Variants in NUP153 observed in about 807,000 individuals in gnomAD.
NUP153 encodes the protein nuclear pore complex protein Nup153.
Under a neutral mutation model 134.6 loss-of-function variants are expected in NUP153, and 27 were observed. The observed-to-expected ratio is 0.20, with a 90% confidence interval of 0.15 to 0.28. The LOEUF is 0.28. Among genes scored for constraint, NUP153 ranks in the 10% least tolerant of loss-of-function variants. The pLI, the probability that NUP153 is intolerant of heterozygous loss-of-function variation, is 1.00. For synonymous variants in NUP153, 640 were observed against 623.5 expected, an observed-to-expected ratio of 1.03 and a Z score of -0.40; for missense variants, 1,821 against 1,731.3, an observed-to-expected ratio of 1.05 and a Z score of -0.92.
In NUP153 at chr6:17,706,259, G is replaced by C; in HGVS notation, c.111+18C>G. 6.3e-7 allele frequency: 1 copy of C among 1,591,206 alleles called. No homozygotes were observed. The highest frequency in any genetic ancestry group is 1.1e-5 in the South Asian group (1 of 90,644). ...GTTTCCCCACCCGCCAGGCCACCGC[G>C]GCGTCGGGGTCCCATACCTGATGCT... On this transcript the variant is annotated intron_variant, in intron 1 of 21. Transcript: ENST00000262077. This position sits in a 1 kb window ranked among gnomAD's most constrained non-coding sequence, Gnocchi z 5.9.
intron 1 of NUP153, among the ~76,000 whole-genome samples, chr6:17,704,326 A>G (rs1010090594): frequency 6.6e-6 from 1 of 151,738 alleles, no homozygotes; most frequent in African/African-American, 2.4e-5. Context: ...AACTTCAGAC[A>G]TCTGGAAAAT....
chr6:17,629,400 T>C lies in NUP153; in HGVS notation c.2799A>G (p.Lys933=), dbSNP rs199900008. 192 of 1,614,116 alleles carry C rather than the reference T, an allele frequency of 1.2e-4. 2 individuals carry two copies. The East Asian group carries it at 4.2e-3, about 35-fold the overall frequency. Residue 933 remains lysine (K), a synonymous_variant, in exon 18 of 22, where the codon AAA becomes AAG. Coordinates refer to ENST00000262077, the MANE Select transcript of NUP153 (RefSeq NM_005124.4). ...ACCCAGAATCGGATGACACACCTAT[T>C]TTGAATCCTCCCTGATCTCCAAATT... ...NFKFGDQGGF[K]IGVSSDSGSI... is the part of the protein sequence containing the mutation.
intron 11 of NUP153, among the ~76,000 whole-genome samples, chr6:17,658,215 G>A (rs1253361848): frequency 6.6e-6 from 1 of 152,188 alleles, no homozygotes; most frequent in Non-Finnish European, 1.5e-5. Flanking sequence ...TGGTCAAGAT[G>A]GTGAAACCCT....
chr6:17,646,293 C>T (rs4370366), intron 13 of NUP153, 139 bp from the exon 14 acceptor site: 4 of 447,768 alleles, frequency 8.9e-6, no homozygotes, highest in Middle Eastern at 6.3e-4. Flanking sequence ...CTGCAACCTC[C>T]GCCTCCCGGG....
At position 17,706,222 on chromosome 6, in the gene NUP153, C is replaced by T; in HGVS notation, c.111+55G>A. 1 of 1,427,684 alleles carries T rather than the reference C, an allele frequency of 7.0e-7. No homozygotes were observed. The highest frequency in any genetic ancestry group is 1.1e-5 in the South Asian group (1 of 87,136). 88.4% of individuals were successfully genotyped at this position (1,427,684 alleles called of 1,614,324 possible). A position where few individuals can be genotyped will look rare whatever the true frequency, so the allele number is the denominator to read the frequency against. ...GCGCCGGGGCCTCGAACCGCCCGTC[C>T]CCTCCAGCCGAGTTTCCCCACCCGC... is the stretch of plus-strand genomic sequence containing the variant. On this transcript the variant is annotated intron_variant, in intron 1 of 21. Coordinates refer to ENST00000262077, the MANE Select transcript of NUP153 (RefSeq NM_005124.4). The surrounding 1 kb of genome is among the most constrained non-coding windows in gnomAD (Gnocchi z 5.9).
intron 1 of NUP153, among the ~76,000 whole-genome samples, chr6:17,703,157 C>G (rs1468775490): frequency 6.9e-6 from 1 of 144,286 alleles, no homozygotes; most frequent in African/African-American, 2.6e-5. Flanking sequence ...AAGATCGAGC[C>G]ACTGCACTCC....
chr6:17,648,756 T>C (rs1029204497), intron 12 of NUP153, among the ~76,000 whole-genome samples: 3 of 152,138 alleles, frequency 2.0e-5, no homozygotes, highest in Admixed American at 6.5e-5. Context: ...TGAGCTGTGA[T>C]TGCACCACTG....
chr6:17,626,227 T>A, intron 18 of NUP153, 63 bp from the exon 19 acceptor site: 1 of 1,279,450 alleles, frequency 7.8e-7, no homozygotes, highest in East Asian at 2.3e-5. Flanking sequence ...AAGTACTTTT[T>A]CCTACCCTAC....
chr6:17,632,931 AAGTTTAAGTGTTC>A, intron 16 of NUP153, 87 bp from the exon 17 acceptor site: 2 of 929,030 alleles, frequency 2.2e-6, no homozygotes, highest in East Asian at 5.3e-5. Context: ...TGGCACTGCT[AAGTTTAAGTGTTC>A]AGTTTCTAAT....
intron 1 of NUP153, among the ~76,000 whole-genome samples, chr6:17,699,203 T>A (rs76430044): frequency 7.8e-5 from 10 of 127,460 alleles, no homozygotes; most frequent in South Asian, 2.6e-4. Flanking sequence ...TTTTTTTTTT[T>A]AAATACAAGC....
At chr6:17,702,637 T>A (rs146889301) in intron 1 of NUP153, among the ~76,000 whole-genome samples, 15 of 150,206 alleles carry the variant, frequency 1.0e-4, no homozygotes. Flanking sequence ...GATTGCACCA[T>A]TGCACTCCAG....
chr6:17,629,365 G>C lies in NUP153; in HGVS notation c.2834C>G (p.Pro945Arg), dbSNP rs1217414120. The C allele has an allele frequency of 1.2e-6, 2 of 1,612,962 alleles. No individual in the cohort carries two copies. Among genetic ancestry groups the C allele is most frequent in the Non-Finnish European group, 1.7e-6 (2 of 1,179,652 alleles). The change falls in exon 18 of 22, where the codon CCC becomes CGC. Residue 945 changes from proline (P) to arginine (R), a missense_variant. Physicochemically the swap from Pro to Arg is moderately radical, Grantham distance 103. Transcript: ENST00000262077. ...GVSSDSGSIN[P>R]MSEGFKFSKP... ...AGAAAATTTAAAGCCTTCACTCATG[G>C]GGTTTATAGACCCAGAATCGGATGA...
rs112031543 is a variant in NUP153, at chr6:17,637,664, C to T, written c.1953G>A (p.Gly651=). 17 of 1,613,574 alleles carry T rather than the reference C, an allele frequency of 1.1e-5. No homozygotes were observed. The highest frequency in any genetic ancestry group is 8.0e-5 in the African/African-American group (6 of 75,030). Residue 651 remains glycine (G), a synonymous_variant, in exon 16 of 22, where the codon GGG becomes GGA. Transcript: ENST00000262077. ...AISSFSSSGI[G]FGESLKAGSS... ...ACCCAGCTTTTAAACTCTCCCCAAACCCAATTCCACTAGAAGAAAAGCTAC... is the reference window on the plus strand; with the variant it reads ...ACCCAGCTTTTAAACTCTCCCCAAATCCAATTCCACTAGAAGAAAAGCTAC...
At position 17,706,231 on chromosome 6, in the gene NUP153, CGA is replaced by C. The variant is rs759793446; in HGVS notation, c.111+44_111+45del. 13 of 1,501,114 alleles carry C rather than the reference CGA, an allele frequency of 8.7e-6. No homozygotes were observed. Among genetic ancestry groups the C allele is most frequent in the African/African-American group, 5.5e-5 (4 of 72,562 alleles). The allele number at this position is 1,501,114 out of a possible 1,614,324, so 93.0% of individuals were successfully genotyped here. A position where few individuals can be genotyped will look rare whatever the true frequency, so the allele number is the denominator to read the frequency against. Reference sequence around the variant, plus strand: ...CCTCGAACCGCCCGTCCCCTCCAGCCGAGTTTCCCCACCCGCCAGGCCACCGC... The same window carrying C: ...CCTCGAACCGCCCGTCCCCTCCAGCCGTTTCCCCACCCGCCAGGCCACCGC... On this transcript the variant is annotated intron_variant, in intron 1 of 21. Coordinates refer to ENST00000262077, the MANE Select transcript of NUP153 (RefSeq NM_005124.4). This position sits in a 1 kb window ranked among gnomAD's most constrained non-coding sequence, Gnocchi z 5.9.
intron 14 of NUP153, 40 bp downstream of exon 14, chr6:17,646,027 C>G (rs373960251): frequency 1.2e-6 from 1 of 854,170 alleles, no homozygotes; most frequent in Non-Finnish European, 1.9e-6. Flanking sequence ...CTACTGTATG[C>G]AATTGTTTGT....
At chr6:17,673,501 A>G (rs752471902) in intron 5 of NUP153, among the ~76,000 whole-genome samples, 15 of 152,312 alleles carry the variant, frequency 9.8e-5, no homozygotes, top group Admixed American at 2.0e-4. Context: ...AAATAACCCA[A>G]TTTTTAAATG....
intron 9 of NUP153, among the ~76,000 whole-genome samples, chr6:17,665,020 T>TC (rs1030663349): frequency 2.7e-5 from 3 of 111,286 alleles, no homozygotes; most frequent in Non-Finnish European, 5.0e-5. Flanking sequence ...GCCATTGCAC[T>TC]CCACCCCTGG....
intron 16 of NUP153, among the ~76,000 whole-genome samples, chr6:17,635,576 G>GT (rs1403901580): frequency 2.0e-5 from 3 of 151,984 alleles, no homozygotes; most frequent in South Asian, 2.1e-4. Context: ...TAATTTTTGT[G>GT]TTTTTTGTAG....
chr6:17,704,848 C>CT lies in NUP153; in HGVS notation c.111+1428dup, dbSNP rs1289905571. Among the ~76,000 whole-genome samples, 4 of 152,022 alleles carry CT rather than the reference C, an allele frequency of 2.6e-5. No homozygotes were observed. In the East Asian group the frequency reaches 7.7e-4, roughly 29 times the overall value. ...GATCTCTGCTCACGGCAAGCTCCGC[C>CT]TCCCGGGTTCAAGCCATTCTCCTGC... On this transcript the variant is annotated intron_variant, in intron 1 of 21. Coordinates refer to ENST00000262077, the MANE Select transcript of NUP153 (RefSeq NM_005124.4).
Sources: gnomAD v4.1 joint callset for allele counts (sites outside exome capture counted in the v4.1 genomes callset) on GRCh38, gnomAD v4.1.1 for gene constraint, Gnocchi (gnomAD v3.1) non-coding constraint, MANE v1.5 for transcripts, NCBI Gene and HGNC (gene_info 2026-07-23, HGNC 2026-07-21) for gene names.